Variants in GRIA2 observed in about 807,000 individuals in gnomAD.
The protein encoded by GRIA2 is glutamate ionotropic receptor AMPA type subunit 2.
GRIA2 carries 14 observed loss-of-function variants against 97.3 expected under a neutral mutation model. The observed-to-expected ratio is 0.14, with a 90% CI of 0.10 to 0.23. The LOEUF (loss-of-function observed/expected upper bound fraction) is 0.23. Among genes scored for constraint, GRIA2 ranks in the 10% least tolerant of loss-of-function variants. The pLI, the probability that GRIA2 is intolerant of heterozygous loss-of-function variation, is 1.00. For synonymous variants in GRIA2, 412 were observed against 387.8 expected, an observed-to-expected ratio of 1.06 and a Z score of -0.73; for missense variants, 558 against 1,069.8, an observed-to-expected ratio of 0.52 and a Z score of 6.67.
chr4:157,224,696 G>T (rs866795986), intron 2 of GRIA2, among the ~76,000 whole-genome samples: 5 of 152,158 alleles, frequency 3.3e-5, no homozygotes, highest in Admixed American at 6.5e-5. Flanking sequence ...GTCAGCATGG[G>T]TCTTGATCGT....
At position 157,341,330 on chromosome 4, in the gene GRIA2, C is replaced by T; in HGVS notation, c.1911C>T (p.Tyr637=). ...WFFTLIIISS[Y]TANLAAFLTV... ...TTACCCTGATCATAATCTCCTCCTA[C>T]ACGGCTAACTTAGCTGCCTTCCTGA... The change falls in exon 12 of 16, where the codon TAC becomes TAT. Residue 637 remains tyrosine, a synonymous_variant. Transcript: ENST00000264426. 1.9e-6 allele frequency: 3 copies of T among 1,612,584 alleles called. No homozygotes were observed. The highest frequency in any genetic ancestry group is 1.7e-6 in the Non-Finnish European group (2 of 1,178,794).
chr4:157,290,645 T>C (rs1733055745), intron 2 of GRIA2, among the ~76,000 whole-genome samples: 1 of 151,892 alleles, frequency 6.6e-6, no homozygotes, highest in Non-Finnish European at 1.5e-5. Flanking sequence ...TTCACATTGA[T>C]AAAAGATCCA....
chr4:157,341,553 C>G, intron 12 of GRIA2, 91 bp downstream of exon 12: 1 of 845,950 alleles, frequency 1.2e-6, no homozygotes, highest in Non-Finnish European at 2.0e-6. Flanking sequence ...TTCCAAGGTA[C>G]TATGTGAAAG....
chr4:157,272,733 G>C lies in GRIA2; in HGVS notation c.230-30819G>C, dbSNP rs532685882. On this transcript the variant is annotated intron_variant, in intron 2 of 15. Transcript: ENST00000264426. ...CCTTAAGAGAAACTACTTCACCAAA[G>C]CCTGATCTTTTGGGGGTTTCTCAGA... Among the ~76,000 whole-genome samples the C allele has an allele frequency of 2.6e-5, 4 of 152,174 alleles. No homozygotes were observed. The South Asian group carries it at 8.3e-4, about 32-fold the overall frequency.
Position 157,221,738 on chromosome 4 carries a change from T to G in GRIA2, c.160T>G (p.Ser54Ala). The G allele has an allele frequency of 6.2e-7, 1 of 1,613,958 alleles. No individual in the cohort carries two copies. Among genetic ancestry groups the G allele is most frequent in the South Asian group, 1.1e-5 (1 of 91,074 alleles). Residue 54 changes from serine to alanine, a missense_variant, in exon 2 of 16, where the codon TCG (serine) becomes GCG (alanine). Around this residue, in one of 8 missense-constraint regions of GRIA2, gnomAD observed 96 missense variants for 176.6 expected, o/e 0.54. Coordinates refer to ENST00000264426, the MANE Select transcript of GRIA2 (RefSeq NM_001083619.3). ...AGTAGGGATGGTTCAGTTTTCCACT[T>G]CGGAGTTCAGACTGACACCCCACAT... Reference protein sequence around the residue: ...FRVGMVQFSTSEFRLTPHIDN... With the variant: ...FRVGMVQFSTAEFRLTPHIDN...
intron 10 of GRIA2, among the ~76,000 whole-genome samples, chr4:157,336,156 T>A (rs10007366): frequency 0.19 from 28,186 of 151,956 alleles, 4,142 homozygotes; most frequent in African/African-American, 0.42. Flanking sequence ...AGATGTGTAA[T>A]GATCATAGTC....
chr4:157,332,114 C>A (rs1210446571), intron 6 of GRIA2, among the ~76,000 whole-genome samples: 1 of 152,054 alleles, frequency 6.6e-6, no homozygotes, highest in Non-Finnish European at 1.5e-5. Flanking sequence ...TACTACTTAT[C>A]TAGACACTGA....
rs1416639290 is a variant in GRIA2 at position 157,364,799 on chromosome 4, A to C, written c.*1368A>C. The C allele has an allele frequency of 1.3e-5, 2 of 152,112 alleles. No individual in the cohort carries two copies. Among genetic ancestry groups the C allele is most frequent in the African/African-American group, 4.8e-5 (2 of 41,400 alleles). 9.4% of individuals were successfully genotyped at this position (152,112 alleles called of 1,614,324 possible). A position where few individuals can be genotyped will look rare whatever the true frequency, so the allele number is the denominator to read the frequency against. On this transcript the variant is annotated 3_prime_UTR_variant, in exon 16 of 16. Transcript: ENST00000264426. ...TGCAATATAGTTTCATCCCATTGAC[A>C]TCAATTAAAAATAACCCTAATATAT... is the stretch of plus-strand genomic sequence containing the variant.
chr4:157,270,355 C>T (rs2126788032), intron 2 of GRIA2, among the ~76,000 whole-genome samples: 1 of 152,216 alleles, frequency 6.6e-6, no homozygotes, highest in Middle Eastern at 3.4e-3. Flanking sequence ...GCAGCCTCCA[C>T]AGCTTGTGCT....
At chr4:157,341,214 TA>T (rs777199223) in intron 11 of GRIA2, 49 bp from the exon 12 acceptor site, 7 of 1,241,568 alleles carry the variant, frequency 5.6e-6, no homozygotes, top group Non-Finnish European at 8.3e-6. Flanking sequence ...CTTGTTTTTT[TA>T]TTAGGTCATT....
chr4:157,245,855 A>G (rs573845919), intron 2 of GRIA2, among the ~76,000 whole-genome samples: 3 of 152,112 alleles, frequency 2.0e-5, no homozygotes, highest in Admixed American at 6.6e-5. Flanking sequence ...CTTCGTCAGC[A>G]TGGCAGAACT....
chr4:157,303,243 A>AT (rs1438313905), intron 2 of GRIA2, among the ~76,000 whole-genome samples: 2 of 151,950 alleles, frequency 1.3e-5, no homozygotes, highest in African/African-American at 4.8e-5. Context: ...CTTATAGCTA[A>AT]TTTTTTTTAC....
chr4:157,364,783 G>C lies in GRIA2; in HGVS notation c.*1352G>C, dbSNP rs1431436040. The C allele has an allele frequency of 6.6e-6, 1 of 151,800 alleles. No homozygotes were observed. Among genetic ancestry groups the C allele is most frequent in the East Asian group, 1.9e-4 (1 of 5,172 alleles). 9.4% of individuals were successfully genotyped at this position (151,800 alleles called of 1,614,324 possible). ...ATATGTTTGAGTCTCCTGCAATATA[G>C]TTTCATCCCATTGACATCAATTAAA... is the stretch of plus-strand genomic sequence containing the variant. On this transcript the variant is annotated 3_prime_UTR_variant, in exon 16 of 16. Transcript: ENST00000264426.
chr4:157,275,111 ATGG>A (rs1732229485), intron 2 of GRIA2, among the ~76,000 whole-genome samples: 2 of 152,100 alleles, frequency 1.3e-5, no homozygotes, highest in Non-Finnish European at 2.9e-5. Flanking sequence ...CATTTCTCTG[ATGG>A]CCAGTGATGA....
At chr4:157,267,673 G>T (rs967983386) in intron 2 of GRIA2, among the ~76,000 whole-genome samples, 3 of 151,976 alleles carry the variant, frequency 2.0e-5, no homozygotes, top group Admixed American at 2.0e-4. Context: ...TTTGAATTAA[G>T]AAATGGCATA....
chr4:157,363,398 A>C (rs1296809454), intron 15 of GRIA2, 37 bp from the exon 16 acceptor site: 3 of 1,211,934 alleles, frequency 2.5e-6, no homozygotes, highest in Non-Finnish European at 3.1e-6. Flanking sequence ...ATAACGTATG[A>C]TTTCTTTTTC....
intron 12 of GRIA2, among the ~76,000 whole-genome samples, chr4:157,349,837 G>C (rs898772420): frequency 6.6e-6 from 1 of 152,026 alleles, no homozygotes; most frequent in African/African-American, 2.4e-5. Flanking sequence ...GTTGGATCAA[G>C]ATGCTGAATT....
At chr4:157,300,022 T>C (rs141855132) in intron 2 of GRIA2, among the ~76,000 whole-genome samples, 70 of 152,224 alleles carry the variant, frequency 4.6e-4, no homozygotes, top group African/African-American at 1.6e-3. Flanking sequence ...GTTGGTATTG[T>C]ATAACTCATT....
chr4:157,338,903 T>C (rs1469174217), intron 11 of GRIA2, among the ~76,000 whole-genome samples: 1 of 152,014 alleles, frequency 6.6e-6, no homozygotes, highest in African/African-American at 2.4e-5. Flanking sequence ...AGTAGCTTAT[T>C]ATCATTTTTA....
Sources: gnomAD v4.1 joint callset for allele counts (sites outside exome capture counted in the v4.1 genomes callset) on GRCh38, gnomAD v4.1.1 for gene constraint, gnomAD v4.1.1 regional missense constraint, MANE v1.5 for transcripts, NCBI Gene and HGNC (gene_info 2026-07-23, HGNC 2026-07-21) for gene names.